NHERF2: variants seen among roughly 807,000 people sequenced by gnomAD.
NHERF2 encodes the protein NHERF family PDZ scaffold protein 2.
the NHERF2 span, chr16:2,033,136 A>G: frequency 7.1e-7 from 1 of 1,409,342 alleles, no homozygotes; most frequent in Non-Finnish European, 9.2e-7. Context: ...ACGGAAGCCT[A>G]GCTGGGTGGG....
chr16:2,028,097 C>T, the NHERF2 span, among the ~76,000 whole-genome samples: 1 of 152,196 alleles, frequency 6.6e-6, no homozygotes, highest in Non-Finnish European at 1.5e-5. Context: ...TGGGGTCCAG[C>T]GTCCACACAC....
the NHERF2 span, chr16:2,037,397 C>A: frequency 1.2e-6 from 1 of 817,028 alleles, no homozygotes; most frequent in Non-Finnish European, 2.0e-6. Flanking sequence ...TGCCCCGCCG[C>A]ATCTGGAGTC....
the NHERF2 span, among the ~76,000 whole-genome samples, chr16:2,033,786 C>T: frequency 3.3e-5 from 5 of 152,114 alleles, no homozygotes; most frequent in Non-Finnish European, 4.4e-5. Context: ...GAGCTATGAA[C>T]GCCGCCCGAG....
chr16:2,038,205 GAGTC>G, the NHERF2 span: 28 of 603,696 alleles, frequency 4.6e-5, no homozygotes, highest in South Asian at 5.3e-4. Context: ...ATGTGAGAGA[GAGTC>G]AGAGACAGAG....
the NHERF2 span, chr16:2,033,275 G>A: frequency 4.6e-6 from 7 of 1,530,574 alleles, no homozygotes; most frequent in Middle Eastern, 2.3e-4. Flanking sequence ...GATAAGTGGG[G>A]TGGCAGCCTG....
chr16:2,037,920 G>C, the NHERF2 span: 1 of 1,612,880 alleles, frequency 6.2e-7, no homozygotes. Flanking sequence ...CGAGCCATGC[G>C]AGTCAACAAG....
chr16:2,033,041 G>A, the NHERF2 span: 2 of 1,267,434 alleles, frequency 1.6e-6, no homozygotes, highest in African/African-American at 3.1e-5. Context: ...TGTGTTCTGG[G>A]GCCGGGACTC....
chr16:2,037,586 G>A, the NHERF2 span: 12 of 1,612,768 alleles, frequency 7.4e-6, no homozygotes, highest in South Asian at 5.5e-5. Context: ...GCCTGGTTCC[G>A]ACAAGGACAC....
the NHERF2 span, among the ~76,000 whole-genome samples, chr16:2,035,208 G>T: frequency 1.3e-5 from 2 of 152,170 alleles, no homozygotes; most frequent in Admixed American, 1.3e-4. Flanking sequence ...CAGAGCACTA[G>T]CTGTGTGGAG....
chr16:2,032,121 GCAATTCTTATGTCTCAGCCTGCTGAGTA>G, the NHERF2 span, among the ~76,000 whole-genome samples: 27 of 151,528 alleles, frequency 1.8e-4, no homozygotes, highest in African/African-American at 6.3e-4. The surrounding 1 kb of genome is among the most constrained non-coding windows in gnomAD (Gnocchi z 4.0). Flanking sequence ...CTGGGTTCAA[GCAATTCTTATGTCTCAGCCTGCTGAGTA>G]GCTGGGATTA....
chr16:2,037,765 A>G, the NHERF2 span: 6 of 1,550,432 alleles, frequency 3.9e-6, no homozygotes, highest in South Asian at 1.2e-5. Flanking sequence ...AGGAGGGGCC[A>G]CCGTCTGGGG....
At chr16:2,027,285 G>C in the NHERF2 span, 8 of 988,694 alleles carry the variant, frequency 8.1e-6, no homozygotes, top group Non-Finnish European at 1.0e-5. Context: ...GGGCGAGCAG[G>C]GGTCGCACGG....
the NHERF2 span, chr16:2,038,052 G>A: frequency 7.0e-6 from 11 of 1,575,184 alleles, no homozygotes; most frequent in South Asian, 2.3e-5. Flanking sequence ...AGCCTGCCCC[G>A]AGCTCCCCCA....
the NHERF2 span, chr16:2,029,588 CA>C: frequency 6.4e-7 from 1 of 1,573,056 alleles, no homozygotes; most frequent in African/African-American, 1.3e-5. Flanking sequence ...CCAGGTGGTG[CA>C]AAGGATCAAG....
the NHERF2 span, chr16:2,037,772 G>A: frequency 6.4e-7 from 1 of 1,552,460 alleles, no homozygotes; most frequent in Non-Finnish European, 8.7e-7. Context: ...GCCACCGTCT[G>A]GGGTGTGGGA....
chr16:2,035,737 G>A, the NHERF2 span: 601 of 961,594 alleles, frequency 6.3e-4, no homozygotes, highest in Non-Finnish European at 6.7e-4. Flanking sequence ...GGGTCCTTCC[G>A]GGCACCAGGA....
the NHERF2 span, chr16:2,038,224 AG>A: frequency 2.1e-6 from 1 of 486,724 alleles, no homozygotes; most frequent in Admixed American, 3.5e-5. Context: ...ACAGAGACAG[AG>A]AGAGAGAGAG....
chr16:2,036,744 T>C, the NHERF2 span: 3 of 1,612,450 alleles, frequency 1.9e-6, no homozygotes, highest in Non-Finnish European at 2.5e-6. Flanking sequence ...GGGCAGAATG[T>C]GGAGGGACTG....
chr16:2,037,477 T>A, the NHERF2 span: 1 of 1,363,978 alleles, frequency 7.3e-7, no homozygotes, highest in East Asian at 2.4e-5. Context: ...TCTGTGCACA[T>A]GTGTGCGTGT....
Sources: gnomAD v4.1 joint callset for allele counts (sites outside exome capture counted in the v4.1 genomes callset) on GRCh38, gnomAD v4.1.1 for gene constraint, Gnocchi (gnomAD v3.1) non-coding constraint, MANE v1.5 for transcripts, NCBI Gene and HGNC (gene_info 2026-07-23, HGNC 2026-07-21) for gene names.